COL4A4: variants seen among roughly 807,000 people sequenced by gnomAD.
The protein encoded by COL4A4 is collagen alpha-4(IV) chain.
A neutral mutation model predicts 192.9 loss-of-function variants in COL4A4; 105 were observed. The ratio of observed to expected loss-of-function variants is 0.54; its 90% CI spans 0.46 to 0.64. The LOEUF (loss-of-function observed/expected upper bound fraction) is 0.64, where lower values mean the gene tolerates loss of function less well. Ranked by LOEUF, COL4A4 falls within the 30% of genes least tolerant of loss-of-function variation. COL4A4 has a pLI of 0.00. For synonymous variants in COL4A4, 762 were observed against 769.9 expected (o/e 0.99, Z 0.17); for missense variants, 1,967 against 2,169.3 (o/e 0.91, Z 1.85).
intron 5 of COL4A4, 144 bp from the exon 6 acceptor site, chr2:227,120,083 G>T (rs531641958): frequency 7.1e-6 from 4 of 565,622 alleles, no homozygotes; most frequent in African/African-American, 5.8e-5. Flanking sequence ...GAGTCTAAAA[G>T]CCAACATTTA....
At chr2:227,057,310 G>T in intron 29 of COL4A4, 129 bp downstream of exon 29, 2 of 1,092,882 alleles carry the variant, frequency 1.8e-6, no homozygotes, top group Non-Finnish European at 2.7e-6. Context: ...TGAAACTCAT[G>T]AGTAACGAAG....
intron 4 of COL4A4, among the ~76,000 whole-genome samples, chr2:227,129,257 T>C (rs1433218383): frequency 1.3e-5 from 2 of 152,078 alleles, no homozygotes; most frequent in African/African-American, 4.8e-5. Flanking sequence ...CTGCTTCCAT[T>C]TAACTGCAGT....
intron 47 of COL4A4, 120 bp downstream of exon 47, chr2:227,007,898 C>G: frequency 1.6e-6 from 2 of 1,280,370 alleles, no homozygotes; most frequent in Non-Finnish European, 2.2e-6. Context: ...CAACAGTCCC[C>G]GTAACCTTAT....
chr2:227,088,983 A>G (rs944732871), intron 21 of COL4A4, among the ~76,000 whole-genome samples, 167 bp from the exon 22 acceptor site: 1 of 152,192 alleles, frequency 6.6e-6, no homozygotes, highest in Non-Finnish European at 1.5e-5. Context: ...GGCATGGGGC[A>G]CTACATGGGG....
At chr2:227,076,771 A>C (rs2059045587) in intron 25 of COL4A4, among the ~76,000 whole-genome samples, 1 of 152,250 alleles carries the variant, frequency 6.6e-6, no homozygotes, top group Non-Finnish European at 1.5e-5. Flanking sequence ...AGAATATACA[A>C]GGAACTTAAA....
At chr2:227,102,390 T>G (rs995844680) in intron 15 of COL4A4, among the ~76,000 whole-genome samples, 3 of 152,216 alleles carry the variant, frequency 2.0e-5, no homozygotes, top group Non-Finnish European at 4.4e-5. Flanking sequence ...ACTCTATGAG[T>G]GGGCTTTCTA....
At chr2:227,069,353 A>T (rs1186134388) in intron 25 of COL4A4, among the ~76,000 whole-genome samples, 1 of 152,234 alleles carries the variant, frequency 6.6e-6, no homozygotes, top group Non-Finnish European at 1.5e-5. Context: ...TCTTCACAGA[A>T]TTGGAAAAAA....
intron 46 of COL4A4, 91 bp downstream of exon 46, chr2:227,010,222 T>G: frequency 1.6e-6 from 2 of 1,274,850 alleles, no homozygotes; most frequent in Non-Finnish European, 2.3e-6. Flanking sequence ...CCATATAAGG[T>G]TAGTGATCAT....
intron 2 of COL4A4, among the ~76,000 whole-genome samples, chr2:227,146,668 T>C (rs2063569625): frequency 6.6e-6 from 1 of 152,182 alleles, no homozygotes; most frequent in African/African-American, 2.4e-5. Flanking sequence ...CTGTATTCCT[T>C]CTGGAGGTCC....
rs369922627 is a variant in COL4A4 at position 227,008,228 on chromosome 2, A to G, written c.4599T>C (p.Tyr1533=). 2.6e-5 allele frequency: 42 copies of G among 1,614,132 alleles called. No homozygotes were observed. The highest frequency in any genetic ancestry group is 3.4e-5 in the Non-Finnish European group (40 of 1,180,054). ...AYCNIHQVCH[Y]AQRNDRSYWL... is the part of the protein sequence containing the mutation. The stretch of plus-strand genomic sequence containing the variant: ...AGTAGGATCTGTCGTTTCTCTGGGC[A>G]TAGTGGCACACCTGGTGGATGTTGC... Residue 1533 remains tyrosine, a synonymous_variant, in exon 47 of 48, where the codon TAT becomes TAC. Transcript: ENST00000396625.
the COL4A4 span, among the ~76,000 whole-genome samples, chr2:226,974,919 T>C: frequency 6.6e-6 from 1 of 152,190 alleles, no homozygotes; most frequent in Non-Finnish European, 1.5e-5. Context: ...TTTCAGGCCA[T>C]GTATCTCTTC....
rs58038992 is a variant in COL4A4 at position 227,031,041 on chromosome 2, A to AGATGGATGGATGGATGGATGGATG, written c.3818-467_3818-444dup. Among the ~76,000 whole-genome samples, 1,229 of 146,332 alleles carry AGATGGATGGATGGATGGATGGATG rather than the reference A, an allele frequency of 8.4e-3. 9 individuals carry two copies. The highest frequency in any genetic ancestry group is 0.014 in the Middle Eastern group (4 of 282). On this transcript the variant is annotated intron_variant, in intron 40 of 47. Coordinates refer to ENST00000396625, the MANE Select transcript of COL4A4 (RefSeq NM_000092.5). ...TATGTGGATAGATGGTTGGATGGAC[A>AGATGGATGGATGGATGGATGGATG]GATGGATGGATGGATGGATGGATGG...
chr2:227,080,875 C>A (rs139414730), intron 23 of COL4A4, among the ~76,000 whole-genome samples: 2 of 152,146 alleles, frequency 1.3e-5, no homozygotes, highest in Non-Finnish European at 2.9e-5. Context: ...GAATGGTCTG[C>A]GGTTGGGTAC....
chr2:227,000,392 CTGCT>C (rs1240385409), downstream of COL4A4, among the ~76,000 whole-genome samples: 1 of 152,224 alleles, frequency 6.6e-6, no homozygotes, highest in Admixed American at 6.5e-5. Flanking sequence ...AGCAGACTGA[CTGCT>C]TGGGGACCAG....
the COL4A4 span, among the ~76,000 whole-genome samples, chr2:226,992,258 A>G: frequency 1.3e-5 from 2 of 152,226 alleles, no homozygotes; most frequent in African/African-American, 2.4e-5. Flanking sequence ...CAGAGCACAC[A>G]CACAGTAGTC....
At chr2:226,990,399 G>GA in the COL4A4 span, among the ~76,000 whole-genome samples, 2 of 152,056 alleles carry the variant, frequency 1.3e-5, no homozygotes, top group Non-Finnish European at 2.9e-5. Context: ...TCCTGGTTTA[G>GA]AAAAAAAGTG....
chr2:226,995,320 G>A, the COL4A4 span: 1 of 692,782 alleles, frequency 1.4e-6, no homozygotes, highest in East Asian at 2.7e-5. Context: ...TCTGTTTTGT[G>A]TTAAAATGAA....
At chr2:227,062,036 A>G (rs12694707) in intron 26 of COL4A4, among the ~76,000 whole-genome samples, 101,429 of 151,898 alleles carry the variant, frequency 0.67, 34,885 homozygotes, top group African/African-American at 0.84. Flanking sequence ...TCAGGAGTTC[A>G]AGACCAGCCT....
Position 227,028,301 on chromosome 2 carries a change from G to A in COL4A4, c.3974-292C>T, listed in dbSNP as rs2272198. Among the ~76,000 whole-genome samples, 64,709 of 152,004 alleles carry A rather than the reference G, an allele frequency of 0.43. 13,932 individuals carry two copies. The highest frequency in any genetic ancestry group is 0.55 in the South Asian group (2,651 of 4,810). On this transcript the variant is annotated intron_variant, in intron 41 of 47. Coordinates refer to ENST00000396625, the MANE Select transcript of COL4A4 (RefSeq NM_000092.5). ...AACTTCCTCTGGAGACAAAGGACTGGAACTGAAGGAAAAATCAGGAAAGAG... is the reference window on the plus strand; with the variant it reads ...AACTTCCTCTGGAGACAAAGGACTGAAACTGAAGGAAAAATCAGGAAAGAG...
Sources: gnomAD v4.1 joint callset for allele counts (sites outside exome capture counted in the v4.1 genomes callset) on GRCh38, gnomAD v4.1.1 for gene constraint, MANE v1.5 for transcripts, NCBI Gene and HGNC (gene_info 2026-07-23, HGNC 2026-07-21) for gene names.